Variants in CDC14B observed in about 807,000 individuals in gnomAD.
The protein encoded by CDC14B is dual specificity protein phosphatase CDC14B.
CDC14B carries 22 observed loss-of-function variants against 64.2 expected under a neutral mutation model. The ratio of observed to expected loss-of-function variants is 0.34; its 90% confidence interval spans 0.24 to 0.49. CDC14B has a LOEUF of 0.49. CDC14B is among the 20% of genes least tolerant of loss of function. The pLI is 0.99. For missense variants in CDC14B, 498 were observed against 629.9 expected, an observed-to-expected ratio of 0.79 and a Z score of 2.24; for synonymous variants, 191 against 215.8, an observed-to-expected ratio of 0.89 and a Z score of 1.01.
At chr9:96,567,672 G>A (rs1844186688) in intron 1 of CDC14B, among the ~76,000 whole-genome samples, 1 of 152,124 alleles carries the variant, frequency 6.6e-6, no homozygotes, top group African/African-American at 2.4e-5. Context: ...GATGGTTATC[G>A]GAGGCTGGGA....
At chr9:96,605,475 T>G (rs1188085753) in intron 1 of CDC14B, among the ~76,000 whole-genome samples, 1 of 152,164 alleles carries the variant, frequency 6.6e-6, no homozygotes, top group Non-Finnish European at 1.5e-5. Flanking sequence ...CTCCCAGGGT[T>G]CCCCTGCGGC....
At chr9:96,554,734 T>C (rs1026715545) in intron 4 of CDC14B, among the ~76,000 whole-genome samples, 4 of 152,202 alleles carry the variant, frequency 2.6e-5, no homozygotes, top group African/African-American at 9.6e-5. Flanking sequence ...TGCCAATCTA[T>C]AACTTTTACC....
intron 4 of CDC14B, 103 bp from the exon 5 acceptor site, chr9:96,551,975 G>A: frequency 7.0e-7 from 1 of 1,422,082 alleles, no homozygotes; most frequent in Non-Finnish European, 9.3e-7. Context: ...ACTGAGCAGG[G>A]TTCTCCAGCC....
At chr9:96,602,409 T>G (rs78575659) in intron 1 of CDC14B, among the ~76,000 whole-genome samples, 1 of 152,186 alleles carries the variant, frequency 6.6e-6, no homozygotes, top group African/African-American at 2.4e-5. Flanking sequence ...ACCACATATG[T>G]TAGTCCGTTT....
Position 96,515,637 on chromosome 9 carries a change from C to A in CDC14B, c.1344-5848G>T. 6.4e-7 allele frequency: 1 copy of A among 1,554,530 alleles called. No homozygotes were observed. The highest frequency in any genetic ancestry group is 8.7e-7 in the Non-Finnish European group (1 of 1,150,078). On this transcript the variant is annotated intron_variant, in intron 12 of 13. Transcript: ENST00000375241. The surrounding 1 kb of genome is among the most constrained non-coding windows in gnomAD (Gnocchi z 4.3). ...AGTAAGCAACGGCAGAGAAACAGAACGGGACACTTACAGCAGCTATCTGTC... is the reference window on the plus strand; with the variant it reads ...AGTAAGCAACGGCAGAGAAACAGAAAGGGACACTTACAGCAGCTATCTGTC...
At chr9:96,589,701 G>A (rs1247579068) in intron 1 of CDC14B, among the ~76,000 whole-genome samples, 2 of 152,168 alleles carry the variant, frequency 1.3e-5, no homozygotes, top group Non-Finnish European at 2.9e-5. Context: ...GCTCACACCT[G>A]TAATCACAGC....
intron 1 of CDC14B, among the ~76,000 whole-genome samples, chr9:96,612,231 G>A (rs1001143292): frequency 7.9e-5 from 12 of 152,252 alleles, no homozygotes; most frequent in African/African-American, 2.7e-4. Flanking sequence ...CTCAGAAGCA[G>A]ACAGAGGAAC....
chr9:96,609,315 A>G (rs1460706965), intron 1 of CDC14B, among the ~76,000 whole-genome samples: 1 of 152,164 alleles, frequency 6.6e-6, no homozygotes, highest in Non-Finnish European at 1.5e-5. Context: ...CCAACACACA[A>G]TTCTTTCAAA....
chr9:96,533,588 T>C (rs1475281462), intron 9 of CDC14B, among the ~76,000 whole-genome samples: 1 of 152,242 alleles, frequency 6.6e-6, no homozygotes, highest in East Asian at 1.9e-4. Context: ...TGCCAGGCAC[T>C]GTTACAATTG....
intron 3 of CDC14B, among the ~76,000 whole-genome samples, chr9:96,563,260 C>T (rs998612667): frequency 3.9e-5 from 6 of 152,202 alleles, no homozygotes; most frequent in African/African-American, 1.2e-4. Context: ...CAGTGCACTG[C>T]TCCTGACTGG....
chr9:96,600,258 T>TA (rs1194875386), intron 1 of CDC14B, among the ~76,000 whole-genome samples: 4 of 148,428 alleles, frequency 2.7e-5, no homozygotes, highest in Non-Finnish European at 5.9e-5. Context: ...ATATATATAT[T>TA]TTATGCAAAT....
intron 1 of CDC14B, chr9:96,567,273 G>A (rs1844135354): frequency 6.3e-6 from 1 of 159,454 alleles, no homozygotes; most frequent in African/African-American, 2.4e-5. Flanking sequence ...CCAGGCCAGG[G>A]ACAGACCCGA....
intron 1 of CDC14B, chr9:96,566,721 C>A (rs1844021118): frequency 1.9e-6 from 3 of 1,554,574 alleles, no homozygotes; most frequent in African/African-American, 1.4e-5. Context: ...CCTGTCCCAG[C>A]GCGGGTGCCG....
intron 1 of CDC14B, among the ~76,000 whole-genome samples, chr9:96,613,861 G>T (rs189123708): frequency 9.2e-4 from 140 of 152,242 alleles, no homozygotes; most frequent in African/African-American, 3.1e-3. Flanking sequence ...CAATGAATAT[G>T]CATGACTATT....
At chr9:96,561,116 T>G (rs1004853553) in intron 4 of CDC14B, among the ~76,000 whole-genome samples, 3 of 152,116 alleles carry the variant, frequency 2.0e-5, no homozygotes, top group Admixed American at 2.0e-4. Flanking sequence ...TTTGTATTTT[T>G]AGTAGAAACA....
chr9:96,525,586 C>T (rs749649821), intron 9 of CDC14B, among the ~76,000 whole-genome samples: 5 of 152,172 alleles, frequency 3.3e-5, no homozygotes, highest in African/African-American at 7.2e-5. Flanking sequence ...GAGGGCAGAG[C>T]GTGGAGCCAA....
chr9:96,527,430 T>A (rs1206425652), intron 9 of CDC14B, among the ~76,000 whole-genome samples: 1 of 152,088 alleles, frequency 6.6e-6, no homozygotes, highest in Non-Finnish European at 1.5e-5. Flanking sequence ...CTGTATTGGT[T>A]AATTCGGAAA....
chr9:96,553,893 C>A (rs1017467310), intron 4 of CDC14B, among the ~76,000 whole-genome samples: 2 of 151,916 alleles, frequency 1.3e-5, no homozygotes, highest in Non-Finnish European at 2.9e-5. Context: ...CGGAAGGGTG[C>A]GGTGGCTCAC....
In CDC14B at chr9:96,535,030, A is replaced by G. The variant is rs770505315; in HGVS notation, c.628-488T>C. On this transcript the variant is annotated intron_variant, in intron 7 of 13. Transcript: ENST00000375241. ...CTTCCCAATATTTACTTACTTACCT[A>G]CTTACAGAGATATATCTTTCCACTA... 2.0e-5 allele frequency among the ~76,000 whole-genome samples: 3 copies of G among 152,332 alleles called. No homozygotes were observed. The East Asian group carries it at 5.8e-4, about 29-fold the overall frequency.
Sources: gnomAD v4.1 joint callset for allele counts (sites outside exome capture counted in the v4.1 genomes callset) on GRCh38, gnomAD v4.1.1 for gene constraint, Gnocchi (gnomAD v3.1) non-coding constraint, MANE v1.5 for transcripts, NCBI Gene and HGNC (gene_info 2026-07-23, HGNC 2026-07-21) for gene names.